Variants in AGBL4 observed in about 807,000 individuals in gnomAD.
The protein encoded by AGBL4 is AGBL carboxypeptidase 4.
AGBL4 carries 58 observed loss-of-function variants against 66.4 expected under a neutral mutation model. That is an observed-to-expected ratio of 0.87 (90% CI 0.71 to 1.09). The LOEUF is 1.09. Ranked by LOEUF, AGBL4 falls within the 50% of genes least tolerant of loss-of-function variation. The pLI is 0.00. For synonymous variants in AGBL4, 234 were observed against 222.9 expected, an observed-to-expected ratio of 1.05 and a Z score of -0.44; for missense variants, 579 against 631.0, an observed-to-expected ratio of 0.92 and a Z score of 0.88.
intron 2 of AGBL4, chr1:49,844,753 T>C: frequency 6.3e-7 from 1 of 1,594,380 alleles, no homozygotes; most frequent in South Asian, 1.1e-5. Context: ...TGAAGAAATA[T>C]CCAACAATGT....
At chr1:49,595,375 C>G (rs183048862) in intron 3 of AGBL4, among the ~76,000 whole-genome samples, 29 of 152,266 alleles carry the variant, frequency 1.9e-4, no homozygotes, top group African/African-American at 6.7e-4. Flanking sequence ...AGGCATGAGC[C>G]ACTGCACCTG....
chr1:49,534,023 T>C (rs1388662848), intron 3 of AGBL4, among the ~76,000 whole-genome samples: 1 of 152,034 alleles, frequency 6.6e-6, no homozygotes, highest in Non-Finnish European at 1.5e-5. Flanking sequence ...CAAATTTCTA[T>C]AATACTCTAT....
chr1:49,665,669 C>T (rs1646350713), intron 3 of AGBL4, among the ~76,000 whole-genome samples: 1 of 152,006 alleles, frequency 6.6e-6, no homozygotes, highest in Admixed American at 6.6e-5. Flanking sequence ...AACCATCAAA[C>T]CATGAATTTT....
intron 4 of AGBL4, among the ~76,000 whole-genome samples, chr1:49,209,863 A>G (rs1236782252): frequency 6.6e-6 from 1 of 152,142 alleles, no homozygotes. Flanking sequence ...AAAGGTAGGG[A>G]AACCAATATG....
chr1:48,816,840 A>G (rs1646190431), intron 6 of AGBL4, among the ~76,000 whole-genome samples: 1 of 152,222 alleles, frequency 6.6e-6, no homozygotes, highest in South Asian at 2.1e-4. Context: ...CAGTAGTATG[A>G]TACATGCTAC....
Position 48,677,807 on chromosome 1 carries a change from T to C in AGBL4, c.635-14566A>G, listed in dbSNP as rs910274678. ...CAAGCCAGACACACAGGGACCACAG[T>C]CAGGGTCCTGTCAAGCCTCAGGAGA... On this transcript the variant is annotated intron_variant, in intron 6 of 13. Transcript: ENST00000371839. Among the ~76,000 whole-genome samples, 3 of 152,130 alleles carry C rather than the reference T, an allele frequency of 2.0e-5. No homozygotes were observed. In the South Asian group the frequency reaches 6.2e-4, roughly 32 times the overall value.
intron 1 of AGBL4, among the ~76,000 whole-genome samples, chr1:49,860,990 G>C (rs982269721): frequency 6.6e-6 from 1 of 152,152 alleles, no homozygotes; most frequent in South Asian, 2.1e-4. Flanking sequence ...ATCTCTGGCT[G>C]CTGAGAGGGG....
At chr1:49,673,423 A>G (rs930169605) in intron 3 of AGBL4, among the ~76,000 whole-genome samples, 2 of 152,168 alleles carry the variant, frequency 1.3e-5, no homozygotes, top group Admixed American at 1.3e-4. Flanking sequence ...ACAACAACTT[A>G]ATTGTATATT....
Position 48,797,616 on chromosome 1 carries a change from G to A in AGBL4, c.634+69575C>T, listed in dbSNP as rs541501652. 4.0e-5 allele frequency among the ~76,000 whole-genome samples: 6 copies of A among 148,948 alleles called. No individual in the cohort carries two copies. In the South Asian group the frequency reaches 1.3e-3, roughly 31 times the overall value. On this transcript the variant is annotated intron_variant, in intron 6 of 13. Coordinates refer to ENST00000371839, the MANE Select transcript of AGBL4 (RefSeq NM_032785.4). ...ATATACCACATTATCTTTTTTTTTT[G>A]AGACGGAGTCTCACTATGTTGCCCA...
chr1:49,034,228 T>C (rs764868104), intron 5 of AGBL4, among the ~76,000 whole-genome samples: 2 of 152,156 alleles, frequency 1.3e-5, no homozygotes, highest in Admixed American at 6.6e-5. Context: ...ACAGGGATTA[T>C]ATCTTGTTTA....
chr1:49,948,285 TAA>T (rs1355484025), intron 1 of AGBL4, among the ~76,000 whole-genome samples: 1 of 104,414 alleles, frequency 9.6e-6, no homozygotes, highest in Non-Finnish European at 1.7e-5. Context: ...TAAATATATA[TAA>T]ATATATAAAA....
intron 4 of AGBL4, among the ~76,000 whole-genome samples, chr1:49,087,070 C>A (rs924703378): frequency 3.3e-5 from 5 of 150,458 alleles, no homozygotes; most frequent in African/African-American, 9.8e-5. Flanking sequence ...CCCACCACCA[C>A]CAACAAAAAA....
At chr1:49,832,071 G>A (rs1181576735) in intron 2 of AGBL4, among the ~76,000 whole-genome samples, 2 of 151,190 alleles carry the variant, frequency 1.3e-5, no homozygotes, top group African/African-American at 2.4e-5. Flanking sequence ...ATGTATACAC[G>A]TGCCATGCTG....
At chr1:49,857,538 T>C (rs1646465371) in intron 1 of AGBL4, among the ~76,000 whole-genome samples, 1 of 151,898 alleles carries the variant, frequency 6.6e-6, no homozygotes, top group Non-Finnish European at 1.5e-5. Context: ...CATAGACCCA[T>C]GGAAGAGAAT....
chr1:48,757,420 C>T (rs893587685), intron 6 of AGBL4, among the ~76,000 whole-genome samples: 3 of 152,166 alleles, frequency 2.0e-5, no homozygotes, highest in African/African-American at 4.8e-5. Flanking sequence ...TGCGACTTTT[C>T]GTGTCACTGT....
At chr1:49,272,605 A>C (rs888243651) in intron 3 of AGBL4, among the ~76,000 whole-genome samples, 6 of 152,168 alleles carry the variant, frequency 3.9e-5, no homozygotes, top group African/African-American at 1.4e-4. Context: ...AATCTCAGTA[A>C]GGGGCTTTGG....
chr1:49,023,721 T>C (rs780421395), intron 5 of AGBL4, among the ~76,000 whole-genome samples: 1 of 152,170 alleles, frequency 6.6e-6, no homozygotes, highest in African/African-American at 2.4e-5. Context: ...TCCATCGCCA[T>C]TAACTTTTCA....
At position 49,285,911 on chromosome 1, in the gene AGBL4, A is replaced by T. The variant is rs185556729; in HGVS notation, c.283-40047T>A. 4.8e-3 allele frequency among the ~76,000 whole-genome samples: 728 copies of T among 152,330 alleles called. 7 individuals are homozygous for T. The highest frequency in any genetic ancestry group is 0.017 in the African/African-American group (706 of 41,576). ...AAAGCCGGGCAGAGACACAACCAAA[A>T]AAGAGAATTTTACACCAATATCCTT... is the stretch of plus-strand genomic sequence containing the variant. On this transcript the variant is annotated intron_variant, in intron 3 of 13. Transcript: ENST00000371839.
chr1:49,928,556 C>T (rs1653024346), intron 1 of AGBL4, among the ~76,000 whole-genome samples: 1 of 151,778 alleles, frequency 6.6e-6, no homozygotes, highest in Non-Finnish European at 1.5e-5. Flanking sequence ...GGCTGAAGTA[C>T]CTTACAGAAA....
Sources: allele counts gnomAD v4.1 joint callset (sites outside exome capture counted in the v4.1 genomes callset), GRCh38; gene constraint gnomAD v4.1.1; transcripts MANE v1.5; gene names NCBI Gene and HGNC (gene_info 2026-07-23, HGNC 2026-07-21).